NAV3: variants seen among roughly 807,000 people sequenced by gnomAD.
NAV3 encodes the protein pore membrane and/or filament interacting like protein 1.
NAV3 carries 87 observed loss-of-function variants against 244.7 expected under a neutral mutation model. The ratio of observed to expected loss-of-function variants is 0.36; its 90% CI spans 0.30 to 0.42. The LOEUF is 0.42. NAV3 is among the 20% of genes least tolerant of loss of function. NAV3 has a pLI of 1.00. For missense variants in NAV3, 2,663 were observed against 2,893.3 expected, an observed-to-expected ratio of 0.92 and a Z score of 1.83; for synonymous variants, 1,126 against 1,042.2, an observed-to-expected ratio of 1.08 and a Z score of -1.55.
chr12:78,117,427 T>C (rs971244676), intron 13 of NAV3, among the ~76,000 whole-genome samples: 7 of 98,078 alleles, frequency 7.1e-5, no homozygotes, highest in Non-Finnish European at 1.1e-4. Flanking sequence ...TAATGATGAA[T>C]TACTATATTT....
chr12:77,868,253 C>T (rs1880384740), intron 1 of NAV3, among the ~76,000 whole-genome samples: 1 of 151,972 alleles, frequency 6.6e-6, no homozygotes, highest in Non-Finnish European at 1.5e-5. Flanking sequence ...AAAACCCTTC[C>T]ATGAAACTTG....
intron 7 of NAV3, 65 bp from the exon 8 acceptor site, chr12:78,006,354 A>G (rs1874213742): frequency 4.1e-6 from 6 of 1,447,078 alleles, no homozygotes; most frequent in Admixed American, 1.9e-5. Context: ...GAAGTTCTCA[A>G]TTATGTAATA....
chr12:78,053,505 T>C (rs1883065773), intron 11 of NAV3, among the ~76,000 whole-genome samples: 1 of 152,122 alleles, frequency 6.6e-6, no homozygotes, highest in Non-Finnish European at 1.5e-5. Context: ...TATTGATTCA[T>C]TCACGTGGAA....
At chr12:77,927,071 T>G (rs1888294986) in intron 1 of NAV3, among the ~76,000 whole-genome samples, 1 of 152,232 alleles carries the variant, frequency 6.6e-6, no homozygotes, top group Non-Finnish European at 1.5e-5. Flanking sequence ...TTTATCAGAC[T>G]GATACAAGAA....
chr12:77,979,507 G>A (rs935781112), intron 5 of NAV3, among the ~76,000 whole-genome samples: 23 of 151,922 alleles, frequency 1.5e-4, no homozygotes, highest in African/African-American at 5.6e-4. Context: ...AGATAACTTG[G>A]TGAGCATGGA....
chr12:77,604,859 G>A (rs117634787), intron 2 of NAV3, among the ~76,000 whole-genome samples: 2,992 of 152,162 alleles, frequency 0.02, 45 homozygotes, highest in Non-Finnish European at 0.03. Context: ...GTACTTTTGT[G>A]TTAACACTAC....
intron 6 of NAV3, 33 bp downstream of exon 6, chr12:77,994,904 A>G: frequency 7.0e-7 from 1 of 1,427,854 alleles, no homozygotes; most frequent in South Asian, 1.2e-5. Context: ...ATTGCTTATT[A>G]GTGATATGCA....
rs1889767619 is a variant in NAV3 at position 77,940,518 on chromosome 12, A to T, written c.361+82A>T. 3 of 995,070 alleles carry T rather than the reference A, an allele frequency of 3.0e-6. No homozygotes were observed. In the Admixed American group the frequency reaches 6.0e-5, roughly 20 times the overall value. The allele number at this position is 995,070 out of a possible 1,614,324, so 61.6% of individuals were successfully genotyped here. The stretch of plus-strand genomic sequence containing the variant: ...AAGCACAACTTAAGTTAAGCGCCTT[A>T]CTGAACTGGTCCATGTGTCTCTGAG... On this transcript the variant is annotated intron_variant, in intron 2 of 39. Transcript: ENST00000397909.
chr12:77,941,818 C>A (rs1316683789), intron 3 of NAV3, among the ~76,000 whole-genome samples: 2 of 152,096 alleles, frequency 1.3e-5, no homozygotes, highest in African/African-American at 2.4e-5. Flanking sequence ...ATATAAAATG[C>A]CTTAACTAAA....
intron 2 of NAV3, among the ~76,000 whole-genome samples, chr12:77,613,945 C>T (rs1314085492): frequency 6.6e-6 from 1 of 152,042 alleles, no homozygotes; most frequent in Non-Finnish European, 1.5e-5. Context: ...CTGGGCTTCC[C>T]CCTATAACAT....
At chr12:77,997,111 T>C (rs2136428520) in intron 6 of NAV3, among the ~76,000 whole-genome samples, 1 of 151,874 alleles carries the variant, frequency 6.6e-6, no homozygotes, top group South Asian at 2.1e-4. Context: ...TGATAGCAAG[T>C]GCCTGTAATT....
At chr12:77,995,379 C>G (rs901793932) in intron 6 of NAV3, among the ~76,000 whole-genome samples, 4 of 152,032 alleles carry the variant, frequency 2.6e-5, no homozygotes, top group African/African-American at 9.7e-5. Context: ...ATAAAGACAG[C>G]CTGTTATAGT....
At chr12:78,127,262 T>C (rs1374495088) in intron 17 of NAV3, 54 bp downstream of exon 17, 1 of 1,523,032 alleles carries the variant, frequency 6.6e-7, no homozygotes, top group East Asian at 2.3e-5. Context: ...GTAAACTTTG[T>C]GTGCTGTCTC....
chr12:77,866,677 A>T (rs1341956115), intron 1 of NAV3, among the ~76,000 whole-genome samples: 1 of 152,218 alleles, frequency 6.6e-6, no homozygotes, highest in Non-Finnish European at 1.5e-5. Flanking sequence ...AAAACCTCAT[A>T]TGTTTGAAGC....
Position 78,198,766 on chromosome 12 carries a change from T to C in NAV3, c.6518+90T>C. 2.4e-5 allele frequency: 21 copies of C among 892,426 alleles called. No individual in the cohort carries two copies. The South Asian group carries it at 3.3e-4, about 14-fold the overall frequency. The allele number at this position is 892,426 out of a possible 1,614,324, so 55.3% of individuals were successfully genotyped here. ...GGGGTTGGCATTGTTTCTTCCTGTT[T>C]GTTTTTGTGGTTTGTTTTTCCATTT... On this transcript the variant is annotated intron_variant, in intron 36 of 39. Transcript: ENST00000397909.
intron 2 of NAV3, among the ~76,000 whole-genome samples, chr12:77,713,642 A>T (rs1037324371): frequency 6.6e-6 from 1 of 152,148 alleles, no homozygotes. Context: ...GATCTTCCTT[A>T]AACTTTTTGT....
intron 1 of NAV3, among the ~76,000 whole-genome samples, chr12:77,894,570 C>A (rs1050201250): frequency 1.9e-3 from 4 of 2,060 alleles, no homozygotes; most frequent in East Asian, 0.5. Flanking sequence ...TTTAACCAAC[C>A]CTCACTAGGC....
chr12:77,828,229 C>A (rs552980590), upstream of NAV3, among the ~76,000 whole-genome samples: 17 of 152,226 alleles, frequency 1.1e-4, no homozygotes, highest in East Asian at 1.5e-3. Context: ...CCCTTTCTGT[C>A]TCTCTTATAT....
chr12:77,698,714 T>A (rs1421898103), intron 2 of NAV3, among the ~76,000 whole-genome samples: 1 of 152,152 alleles, frequency 6.6e-6, no homozygotes, highest in Non-Finnish European at 1.5e-5. Flanking sequence ...TACTATTTAA[T>A]GGATGAGAAT....
Sources: allele counts gnomAD v4.1 joint callset (sites outside exome capture counted in the v4.1 genomes callset), GRCh38; gene constraint gnomAD v4.1.1; transcripts MANE v1.5; gene names NCBI Gene and HGNC (gene_info 2026-07-23, HGNC 2026-07-21).